WEE1: variants seen among roughly 807,000 people sequenced by gnomAD.
WEE1 encodes WEE1 G2 checkpoint kinase.
WEE1 carries 16 observed loss-of-function variants against 68.8 expected under a neutral mutation model. That is an observed-to-expected ratio of 0.23 (90% CI 0.16 to 0.35). WEE1 has a LOEUF of 0.35. Among genes scored for constraint, WEE1 ranks in the 10% least tolerant of loss-of-function variants. The pLI is 1.00. For missense variants in WEE1, 651 were observed against 824.1 expected, an observed-to-expected ratio of 0.79 and a Z score of 2.57; for synonymous variants, 349 against 318.7, an observed-to-expected ratio of 1.09 and a Z score of -1.01.
intron 8 of WEE1, 100 bp from the exon 9 acceptor site, chr11:9,586,349 T>C (rs771098314): frequency 2.7e-5 from 29 of 1,090,720 alleles, no homozygotes; most frequent in Non-Finnish European, 3.8e-5. Flanking sequence ...TTAGACACTT[T>C]GATTAAGTCC....
intron 10 of WEE1, among the ~76,000 whole-genome samples, chr11:9,588,228 G>C (rs572595204): frequency 6.6e-6 from 1 of 152,134 alleles, no homozygotes; most frequent in East Asian, 1.9e-4. Context: ...TTTACTACTT[G>C]TTTTCAAGTA....
At position 9,587,004 on chromosome 11, in the gene WEE1, A is replaced by G. The variant is rs547297272; in HGVS notation, c.1787+148A>G. On this transcript the variant is annotated intron_variant, in intron 10 of 10. Coordinates refer to ENST00000450114, the MANE Select transcript of WEE1 (RefSeq NM_003390.4). ...TTTGAGACAGGGTCTCACTGTCATC[A>G]GGCTGGAGTGCACTGGTGCTATCAT... 8.8e-5 allele frequency: 78 copies of G among 883,456 alleles called. 1 individual carries two copies. In the South Asian group the frequency reaches 1.3e-3, roughly 15 times the overall value. 54.7% of individuals were successfully genotyped at this position (883,456 alleles called of 1,614,324 possible). A position where few individuals can be genotyped will look rare whatever the true frequency, so the allele number is the denominator to read the frequency against.
At position 9,588,140 on chromosome 11, in the gene WEE1, G is replaced by A. The variant is rs141101395; in HGVS notation, c.1788-309G>A. Among the ~76,000 whole-genome samples the A allele has an allele frequency of 1.6e-3, 244 of 152,126 alleles. No homozygotes were observed. In the East Asian group the frequency reaches 0.021, roughly 13 times the overall value. ...AGCGATCCTCCAGCCTCAGCTTCCC[G>A]AGTAGCTGAGACTACAGGTGTGAGT... On this transcript the variant is annotated intron_variant, in intron 10 of 10. Transcript: ENST00000450114.
intron 6 of WEE1, 90 bp from the exon 7 acceptor site, chr11:9,585,156 GGCATTTTAAAAA>G: frequency 1.1e-6 from 1 of 904,878 alleles, no homozygotes; most frequent in South Asian, 1.6e-5. Context: ...CTTGAGAATC[GGCATTTTAAAAA>G]GCATTATGGA....
intron 5 of WEE1, 139 bp from the exon 6 acceptor site, chr11:9,581,393 C>A: frequency 2.8e-6 from 2 of 717,822 alleles, no homozygotes; most frequent in South Asian, 2.2e-5. Flanking sequence ...TTTGATTTCA[C>A]AAGCAGGTTG....
At chr11:9,585,226 T>C (rs1266411554) in intron 6 of WEE1, 32 bp from the exon 7 acceptor site, 4 of 1,450,678 alleles carry the variant, frequency 2.8e-6, no homozygotes, top group Non-Finnish European at 3.9e-6. Context: ...TTATTATTAT[T>C]AGTTTGGCTT....
chr11:9,588,030 A>C (rs983356318), intron 10 of WEE1, among the ~76,000 whole-genome samples: 4 of 151,852 alleles, frequency 2.6e-5, no homozygotes, highest in Admixed American at 2.6e-4. Context: ...TTATTTATTT[A>C]AAAAGATGGG....
chr11:9,577,416 A>T, intron 5 of WEE1, 153 bp downstream of exon 5: 4 of 949,666 alleles, frequency 4.2e-6, no homozygotes, highest in Non-Finnish European at 6.2e-6. Context: ...ACAAGGTTAA[A>T]AACCTTGTCC....
At position 9,574,656 on chromosome 11, in the gene WEE1, T is replaced by G; in HGVS notation, c.576+147T>G. 9.0e-7 allele frequency: 1 copy of G among 1,105,150 alleles called. No individual in the cohort carries two copies. The allele number at this position is 1,105,150 out of a possible 1,614,324, so 68.5% of individuals were successfully genotyped here. A position where few individuals can be genotyped will look rare whatever the true frequency, so the allele number is the denominator to read the frequency against. On this transcript the variant is annotated intron_variant, in intron 1 of 10. Transcript: ENST00000450114. The surrounding 1 kb of genome is among the most constrained non-coding windows in gnomAD (Gnocchi z 4.9). ...CCCCAAAGTTGGCAGCCCTTGTGTT[T>G]GGCCCTGCCCCGAGGTTGTCCGTTG...
intron 8 of WEE1, 50 bp from the exon 9 acceptor site, chr11:9,586,399 T>A: frequency 6.5e-7 from 1 of 1,534,516 alleles, no homozygotes; most frequent in Non-Finnish European, 8.9e-7. Flanking sequence ...TAATCTTGTT[T>A]TATTTTGACC....
chr11:9,574,725 T>A lies in WEE1; in HGVS notation c.576+216T>A. The A allele has an allele frequency of 9.6e-7, 1 of 1,041,930 alleles. No homozygotes were observed. The highest frequency in any genetic ancestry group is 1.2e-6 in the Non-Finnish European group (1 of 867,898). 64.5% of individuals were successfully genotyped at this position (1,041,930 alleles called of 1,614,324 possible). A position where few individuals can be genotyped will look rare whatever the true frequency, so the allele number is the denominator to read the frequency against. On this transcript the variant is annotated intron_variant, in intron 1 of 10. Coordinates refer to ENST00000450114, the MANE Select transcript of WEE1 (RefSeq NM_003390.4). This position sits in a 1 kb window ranked among gnomAD's most constrained non-coding sequence, Gnocchi z 4.9. ...ATGGGCCTCGTCTGGAACTTCATCT[T>A]ACAAAGGGGCCGATCGGCCCGTCCG...
chr11:9,574,145 C>T lies in WEE1; in HGVS notation c.212C>T (p.Pro71Leu). ...PLPPARSPTEPGPERRRSPGP... is the reference protein window; with the variant it reads ...PLPPARSPTELGPERRRSPGP... ...CCGCCCGCGCGGAGCCCCACGGAGCCCGGGCCCGAGCGCCGCCGCTCGCCC... is the reference window on the plus strand; with the variant it reads ...CCGCCCGCGCGGAGCCCCACGGAGCTCGGGCCCGAGCGCCGCCGCTCGCCC... Residue 71 changes from proline to leucine, a missense_variant, in exon 1 of 11, where the codon CCC (proline) becomes CTC (leucine). By Grantham distance (98) the Pro-to-Leu change is moderately conservative. This residue lies in a region of WEE1 where 395 missense variants were observed against 378.4 expected (regional missense o/e 1.04). Transcript: ENST00000450114. This position sits in a 1 kb window ranked among gnomAD's most constrained non-coding sequence, Gnocchi z 4.9. 8.3e-7 allele frequency: 1 copy of T among 1,198,104 alleles called. No homozygotes were observed. The highest frequency in any genetic ancestry group is 1.0e-6 in the Non-Finnish European group (1 of 967,232). 74.2% of individuals were successfully genotyped at this position (1,198,104 alleles called of 1,614,324 possible). A position where few individuals can be genotyped will look rare whatever the true frequency, so the allele number is the denominator to read the frequency against.
chr11:9,574,984 G>GTCGTT lies in WEE1; in HGVS notation c.576+476_576+477insCGTTT. On this transcript the variant is annotated intron_variant, in intron 1 of 10. Transcript: ENST00000450114. The surrounding 1 kb of genome is among the most constrained non-coding windows in gnomAD (Gnocchi z 4.9). ...TCCCGCCCTGATCGTGTCGTGTCGTGTGGCGTGGATGGGGGAAAGGTCTGG... is the reference window on the plus strand; with the variant it reads ...TCCCGCCCTGATCGTGTCGTGTCGTGTCGTTTGGCGTGGATGGGGGAAAGGTCTGG... 1.0e-6 allele frequency: 1 copy of GTCGTT among 985,798 alleles called. No individual in the cohort carries two copies. The highest frequency in any genetic ancestry group is 1.2e-6 in the Non-Finnish European group (1 of 830,210). 61.1% of individuals were successfully genotyped at this position (985,798 alleles called of 1,614,324 possible).
chr11:9,581,734 C>T, intron 6 of WEE1, 56 bp downstream of exon 6: 1 of 1,503,234 alleles, frequency 6.7e-7, no homozygotes, highest in Non-Finnish European at 8.9e-7. Context: ...GAATAAATTA[C>T]TTCATTATGA....
intron 6 of WEE1, among the ~76,000 whole-genome samples, chr11:9,583,542 G>A (rs190345130): frequency 7.1e-4 from 107 of 149,772 alleles, no homozygotes; most frequent in African/African-American, 2.4e-3. Context: ...TTGAACCCGG[G>A]AGGAGGAAGT....
intron 6 of WEE1, 146 bp from the exon 7 acceptor site, chr11:9,585,112 C>A (rs1031836205): frequency 6.0e-6 from 4 of 663,128 alleles, no homozygotes; most frequent in South Asian, 2.0e-5. Flanking sequence ...GTTTCTGTCC[C>A]CTGAGATGCT....
At position 9,589,775 on chromosome 11, in the gene WEE1, G is replaced by C. The variant is rs983484267; in HGVS notation, c.*1173G>C. 2.2e-6 allele frequency: 2 copies of C among 902,606 alleles called. No individual in the cohort carries two copies. Among genetic ancestry groups the C allele is most frequent in the Non-Finnish European group, 2.7e-6 (2 of 754,374 alleles). 55.9% of individuals were successfully genotyped at this position (902,606 alleles called of 1,614,324 possible). On this transcript the variant is annotated 3_prime_UTR_variant, in exon 11 of 11. Transcript: ENST00000450114. ...TTACCTTAATTGTCTAAATCCTTGT[G>C]ATGCCTGTTTTCTAATATTTTATCT...
In WEE1 at chr11:9,574,506, C is replaced by A; in HGVS notation, c.573C>A (p.Pro191=). 1.6e-6 allele frequency: 2 copies of A among 1,227,324 alleles called. No individual in the cohort carries two copies. The highest frequency in any genetic ancestry group is 3.1e-4 in the Middle Eastern group (1 of 3,222). 76.0% of individuals were successfully genotyped at this position (1,227,324 alleles called of 1,614,324 possible). Residue 191 remains proline, a synonymous_variant, in exon 1 of 11, where the codon CCC becomes CCA. Transcript: ENST00000450114. This position sits in a 1 kb window ranked among gnomAD's most constrained non-coding sequence, Gnocchi z 4.9. ...KLRLFDTPHT[P]KSLLSKARGI... Reference sequence around the variant, plus strand: ...GACTCTTCGACACCCCGCACACGCCCAAGGTGAGAGCGGCGGGCGCGGGCA... The same window carrying A: ...GACTCTTCGACACCCCGCACACGCCAAAGGTGAGAGCGGCGGGCGCGGGCA...
intron 5 of WEE1, chr11:9,577,596 G>A: frequency 3.1e-6 from 1 of 327,052 alleles, no homozygotes; most frequent in South Asian, 2.7e-5. Context: ...GTGTTAAGTT[G>A]AATAGATTCT....
Sources: gnomAD v4.1 joint callset for allele counts (sites outside exome capture counted in the v4.1 genomes callset) on GRCh38, gnomAD v4.1.1 for gene constraint, gnomAD v4.1.1 regional missense constraint, Gnocchi (gnomAD v3.1) non-coding constraint, MANE v1.5 for transcripts, NCBI Gene and HGNC (gene_info 2026-07-23, HGNC 2026-07-21) for gene names.